Variants in CTC1 observed in about 807,000 individuals in gnomAD.
The protein encoded by CTC1 is CST complex subunit CTC1.
In CTC1, 91 loss-of-function variants were observed where a neutral mutation model predicts 136.3. The ratio of observed to expected loss-of-function variants is 0.67; its 90% CI spans 0.56 to 0.79. The LOEUF is 0.79. Ranked by LOEUF, CTC1 falls within the 30% of genes least tolerant of loss-of-function variation. The pLI is 0.00. For missense variants in CTC1, 1,432 were observed against 1,498.1 expected (o/e 0.96, Z 0.73); for synonymous variants, 606 against 613.8 (o/e 0.99, Z 0.19).
intron 7 of CTC1, 200 bp from the exon 8 acceptor site, chr17:8,235,485 T>C: frequency 3.3e-6 from 2 of 603,940 alleles, no homozygotes; most frequent in Admixed American, 5.9e-5. Flanking sequence ...CCACTCAGTC[T>C]TGCTGTGGGC....
chr17:8,230,755 T>G, intron 15 of CTC1, 104 bp from the exon 16 acceptor site: 1 of 937,644 alleles, frequency 1.1e-6, no homozygotes. Context: ...CTGCTAGAAC[T>G]TCATATATAA....
chr17:8,235,761 G>A, intron 7 of CTC1, 70 bp downstream of exon 7: 2 of 1,494,208 alleles, frequency 1.3e-6, no homozygotes, highest in Non-Finnish European at 1.8e-6. Flanking sequence ...CCCTGCTGCA[G>A]AAAAGGAGCC....
chr17:8,238,552 T>C lies in CTC1; in HGVS notation c.275A>G (p.Tyr92Cys), dbSNP rs753289258. 23 of 1,614,002 alleles carry C rather than the reference T, an allele frequency of 1.4e-5. No individual in the cohort carries two copies. The highest frequency in any genetic ancestry group is 1.7e-5 in the Non-Finnish European group (20 of 1,180,014). ...TCCAGCCTCTTGGGCCCAGGCCTGG[T>C]ATGCACTACTGCTCCACGACAGGTG... ...CSHLSWSSSA[Y>C]QAWAQEAGPN... Residue 92 changes from tyrosine to cysteine, a missense_variant, in exon 3 of 23, where the codon TAC (tyrosine) becomes TGC (cysteine). Coordinates refer to ENST00000651323, the MANE Select transcript of CTC1 (RefSeq NM_025099.6).
In CTC1 at chr17:8,229,435, G is replaced by C. The variant is rs374877171; in HGVS notation, c.3023C>G (p.Pro1008Arg). The C allele has an allele frequency of 9.3e-6, 15 of 1,612,992 alleles. No homozygotes were observed. Among genetic ancestry groups the C allele is most frequent in the Non-Finnish European group, 4.2e-6 (5 of 1,179,106 alleles). The stretch of plus-strand genomic sequence containing the variant: ...CAGAAGTTCAGCCAGGTAGATGTGG[G>C]GCAGGGGAATGCTAAATAAATACAG... Reference protein sequence around the residue: ...PPETTISIPLPHIYLAELLQG... With the variant: ...PPETTISIPLRHIYLAELLQG... The change falls in exon 19 of 23, where the codon CCC becomes CGC. Residue 1008 changes from proline to arginine, a missense_variant. Transcript: ENST00000651323.
rs1986587621 is a variant in CTC1, at chr17:8,225,837, A to G, written c.*2343T>C. Reference sequence around the variant, plus strand: ...TATATTTTTATATTATATACTATATATATAACATTATGAGCCACCAAACCC... The same window carrying G: ...TATATTTTTATATTATATACTATATGTATAACATTATGAGCCACCAAACCC... On this transcript the variant is annotated 3_prime_UTR_variant, in exon 23 of 23. Coordinates refer to ENST00000651323, the MANE Select transcript of CTC1 (RefSeq NM_025099.6). 5 of 150,876 alleles carry G rather than the reference A, an allele frequency of 3.3e-5. No homozygotes were observed. 9.3% of individuals were successfully genotyped at this position (150,876 alleles called of 1,614,324 possible).
intron 20 of CTC1, 43 bp downstream of exon 20, chr17:8,229,099 T>C: frequency 1.3e-6 from 2 of 1,596,766 alleles, no homozygotes; most frequent in South Asian, 2.2e-5. Flanking sequence ...CAAAGTGGTC[T>C]CATAAGTAAA....
Position 8,235,281 on chromosome 17 carries a change from T to G in CTC1, c.1211A>C (p.Gln404Pro). Residue 404 changes from glutamine to proline, a missense_variant, in exon 8 of 23, where the codon CAG (glutamine) becomes CCG (proline). Transcript: ENST00000651323. Reference protein sequence around the residue: ...VMRPGVCLQLQDVHLLQSVGG... With the variant: ...VMRPGVCLQLPDVHLLQSVGG... ...CACTGACTGGAGCAGGTGAACATCC[T>G]GGAGCTGGGGGAAAGCAGAGAAAAT... is the stretch of plus-strand genomic sequence containing the variant. 3 of 1,611,402 alleles carry G rather than the reference T, an allele frequency of 1.9e-6. No individual in the cohort carries two copies. The highest frequency in any genetic ancestry group is 1.7e-6 in the Non-Finnish European group (2 of 1,177,762).
chr17:8,235,460 C>T lies in CTC1; in HGVS notation c.1207-175G>A, dbSNP rs1987632980. ...ACCCACTCCCGCTGCGGTCAGCCTT[C>T]ATCTCCCATGAGCTCCACTCAGTCT... On this transcript the variant is annotated intron_variant, in intron 7 of 22. Transcript: ENST00000651323. The T allele has an allele frequency of 9.8e-6, 6 of 613,448 alleles. 1 individual carries two copies. Among genetic ancestry groups the T allele is most frequent in the Admixed American group, 8.6e-5 (3 of 34,820 alleles). 38.0% of individuals were successfully genotyped at this position (613,448 alleles called of 1,614,324 possible). A position where few individuals can be genotyped will look rare whatever the true frequency, so the allele number is the denominator to read the frequency against.
At chr17:8,242,180 C>T (rs1196053916) in intron 2 of CTC1, among the ~76,000 whole-genome samples, 1 of 151,954 alleles carries the variant, frequency 6.6e-6, no homozygotes, top group African/African-American at 2.4e-5. Flanking sequence ...CAGGCGCCCA[C>T]CACCACGCCC....
At position 8,228,548 on chromosome 17, in the gene CTC1, G is replaced by A. The variant is rs1402760534; in HGVS notation, c.3469C>T (p.Leu1157Phe). The A allele has an allele frequency of 2.5e-6, 4 of 1,614,116 alleles. No individual in the cohort carries two copies. Among genetic ancestry groups the A allele is most frequent in the Non-Finnish European group, 2.5e-6 (3 of 1,180,018 alleles). ...TSPSVLRPIVLSFELERKPSK... is the reference protein window; with the variant it reads ...TSPSVLRPIVFSFELERKPSK... Reference sequence around the variant, plus strand: ...GGTTTCCTTTCCAGCTCAAAAGAAAGCACAATAGGACGGAGGACAGAGGGG... The same window carrying A: ...GGTTTCCTTTCCAGCTCAAAAGAAAACACAATAGGACGGAGGACAGAGGGG... The change falls in exon 22 of 23, where the codon CTT becomes TTT. Residue 1157 changes from leucine to phenylalanine, a missense_variant. Coordinates refer to ENST00000651323, the MANE Select transcript of CTC1 (RefSeq NM_025099.6).
rs1179270612 is a variant in CTC1, at chr17:8,247,997, C to A, written c.33+7G>T. On this transcript the variant is annotated splice_region_variant and intron_variant, in intron 1 of 22. Coordinates refer to ENST00000651323, the MANE Select transcript of CTC1 (RefSeq NM_025099.6). ...AAAGGAACAAGAGACGTAATAGCAG[C>A]ACTCACGGAGGAAGGGACCTGGGCC... 1.9e-6 allele frequency: 3 copies of A among 1,610,304 alleles called. No homozygotes were observed. Among genetic ancestry groups the A allele is most frequent in the Non-Finnish European group, 2.5e-6 (3 of 1,178,142 alleles).
At position 8,231,353 on chromosome 17, in the gene CTC1, G is replaced by C. The variant is rs751214101; in HGVS notation, c.2592C>G (p.Ser864Arg). ...VQDNWTLELE[S>R]SQDIQDVLDA... ...CCAGCACATCTTGGATATCCTGGGA[G>C]CTTTCAAGCTCCAGAGTCCAGTTGT... The change falls in exon 15 of 23, where the codon AGC becomes AGG. Residue 864 changes from serine to arginine, a missense_variant. By Grantham distance (110) the Ser-to-Arg change is moderately radical (BLOSUM62 -1). Transcript: ENST00000651323. The C allele has an allele frequency of 1.2e-6, 2 of 1,611,792 alleles. No homozygotes were observed. Among genetic ancestry groups the C allele is most frequent in the African/African-American group, 1.3e-5 (1 of 75,012 alleles).
At position 8,231,146 on chromosome 17, in the gene CTC1, A is replaced by C. The variant is rs558440558; in HGVS notation, c.2669+130T>G. The C allele has an allele frequency of 1.2e-4, 93 of 806,696 alleles. 1 individual carries two copies. The Admixed American group carries it at 1.6e-3, about 14-fold the overall frequency. The allele number at this position is 806,696 out of a possible 1,614,324, so 50.0% of individuals were successfully genotyped here. On this transcript the variant is annotated intron_variant, in intron 15 of 22. Coordinates refer to ENST00000651323, the MANE Select transcript of CTC1 (RefSeq NM_025099.6). ...ACAGAGTGAGACTCCGTCTCAAAAA[A>C]AAACAAACAAAAACAACAATAACAA...
At chr17:8,235,306 T>C (rs1987619479) in intron 7 of CTC1, 21 bp from the exon 8 acceptor site, 2 of 1,588,984 alleles carry the variant, frequency 1.3e-6, no homozygotes, top group African/African-American at 1.3e-5. Context: ...GCAGAGAAAA[T>C]GAAAAAGCAG....
At chr17:8,242,480 CT>C (rs548015006) in intron 2 of CTC1, among the ~76,000 whole-genome samples, 139 of 142,456 alleles carry the variant, frequency 9.8e-4, no homozygotes, top group African/African-American at 3.5e-3. Context: ...AACCCCTTTT[CT>C]TGTGCTTTAC....
rs1168007580 is a variant in CTC1, at chr17:8,228,206, G to C, written c.3628C>G (p.Leu1210Val). 22 of 1,613,974 alleles carry C rather than the reference G, an allele frequency of 1.4e-5. No individual in the cohort carries two copies. The highest frequency in any genetic ancestry group is 1.7e-5 in the Non-Finnish European group (20 of 1,180,000). ...TAACAGGAGGAAGCAAGGATCCCCA[G>C]AGAGCTGGAGTACTCTGACTCTCGG... is the stretch of plus-strand genomic sequence containing the variant. Reference protein sequence around the residue: ...SIRESEYSSSLGILASSC With the variant: ...SIRESEYSSSVGILASSC Residue 1210 changes from leucine (L) to valine (V), a missense_variant, in exon 23 of 23, where the codon CTG becomes GTG. Leu to Val is a conservative substitution (Grantham distance 32). Transcript: ENST00000651323.
chr17:8,238,868 A>G lies in CTC1; in HGVS notation c.198-239T>C, dbSNP rs112291297. Among the ~76,000 whole-genome samples the G allele has an allele frequency of 0.02, 2,974 of 152,188 alleles. 103 individuals carry two copies. Among genetic ancestry groups the G allele is most frequent in the African/African-American group, 0.068 (2,819 of 41,506 alleles). On this transcript the variant is annotated intron_variant, in intron 2 of 22. Transcript: ENST00000651323. Reference sequence around the variant, plus strand: ...CACTTTGGGAGGCCAAGGCGGGTGGATCACCTGAGGTCAGGAGTTTGAGAC... The same window carrying G: ...CACTTTGGGAGGCCAAGGCGGGTGGGTCACCTGAGGTCAGGAGTTTGAGAC...
At chr17:8,230,063 T>A in intron 17 of CTC1, 95 bp from the exon 18 acceptor site, 1 of 1,206,230 alleles carries the variant, frequency 8.3e-7, no homozygotes, top group Non-Finnish European at 1.2e-6. Context: ...GAGTGGCCAC[T>A]CCCCCTGAGG....
At position 8,226,191 on chromosome 17, in the gene CTC1, G is replaced by A. The variant is rs1473393331; in HGVS notation, c.*1989C>T. On this transcript the variant is annotated 3_prime_UTR_variant, in exon 23 of 23. Coordinates refer to ENST00000651323, the MANE Select transcript of CTC1 (RefSeq NM_025099.6). The stretch of plus-strand genomic sequence containing the variant: ...TCTGATATAAAAACAATACATGAAA[G>A]GATGTGGATTTAGCCGCAAAATCAC... 1 of 152,178 alleles carries A rather than the reference G, an allele frequency of 6.6e-6. No individual in the cohort carries two copies. Among genetic ancestry groups the A allele is most frequent in the East Asian group, 1.9e-4 (1 of 5,202 alleles). 9.4% of individuals were successfully genotyped at this position (152,178 alleles called of 1,614,324 possible).
Sources: allele counts gnomAD v4.1 joint callset (sites outside exome capture counted in the v4.1 genomes callset), GRCh38; gene constraint gnomAD v4.1.1; transcripts MANE v1.5; gene names NCBI Gene and HGNC (gene_info 2026-07-23, HGNC 2026-07-21).